The following RBKS variants were observed in gnomAD, a reference collection of about 807,000 sequenced individuals.
RBKS encodes ribokinase.
In RBKS, 33 loss-of-function variants were observed where a neutral mutation model predicts 33.9. The observed-to-expected ratio is 0.97, with a 90% CI of 0.74 to 1.30. RBKS has a LOEUF of 1.30. RBKS is among the 50% of genes most tolerant of loss of function. RBKS has a pLI of 0.00. For missense variants in RBKS, 361 were observed against 392.6 expected, an observed-to-expected ratio of 0.92 and a Z score of 0.68; for synonymous variants, 125 against 143.0, an observed-to-expected ratio of 0.87 and a Z score of 0.90.
At chr2:27,851,506 G>A (rs186864346) in intron 2 of RBKS, among the ~76,000 whole-genome samples, 1 of 151,400 alleles carries the variant, frequency 6.6e-6, no homozygotes, top group African/African-American at 2.4e-5. Context: ...GACCCATCTT[G>A]TAGTCATGTT....
At chr2:27,793,279 C>T (rs1199939593) in intron 7 of RBKS, among the ~76,000 whole-genome samples, 1 of 152,168 alleles carries the variant, frequency 6.6e-6, no homozygotes, top group Non-Finnish European at 1.5e-5. Context: ...GAGGCATTAA[C>T]ACTGCTGGGT....
intron 1 of RBKS, among the ~76,000 whole-genome samples, chr2:27,883,118 C>T (rs1384768347): frequency 2.6e-5 from 4 of 151,982 alleles, no homozygotes; most frequent in Non-Finnish European, 5.9e-5. Flanking sequence ...ATAAATCACC[C>T]AGTCTTAGGT....
chr2:27,858,366 T>G (rs1442592890), intron 2 of RBKS, 73 bp downstream of exon 2: 1 of 1,487,900 alleles, frequency 6.7e-7, no homozygotes, highest in African/African-American at 1.4e-5. Flanking sequence ...TTGAAAAAAT[T>G]AAAAACAATG....
At chr2:27,863,494 A>G (rs930500462) in intron 1 of RBKS, among the ~76,000 whole-genome samples, 4 of 152,226 alleles carry the variant, frequency 2.6e-5, no homozygotes, top group African/African-American at 7.2e-5. Flanking sequence ...ACAACTTATC[A>G]ATTGCTTTTA....
chr2:27,842,878 GTT>G (rs373375641), intron 5 of RBKS, among the ~76,000 whole-genome samples, 187 bp downstream of exon 5: 1 of 145,494 alleles, frequency 6.9e-6, no homozygotes, highest in East Asian at 2.0e-4. Flanking sequence ...TGCTACTCAT[GTT>G]TTTTTTTTTA....
intron 7 of RBKS, among the ~76,000 whole-genome samples, chr2:27,793,097 C>T (rs1677568906): frequency 6.6e-6 from 1 of 152,112 alleles, no homozygotes; most frequent in Non-Finnish European, 1.5e-5. Flanking sequence ...TGTTAACAGT[C>T]ACATTAAATG....
At chr2:27,865,854 C>A (rs1238078082) in intron 1 of RBKS, among the ~76,000 whole-genome samples, 2 of 152,136 alleles carry the variant, frequency 1.3e-5, no homozygotes, top group Non-Finnish European at 2.9e-5. Context: ...TCCATTTCCC[C>A]TTCCTAACCT....
intron 2 of RBKS, among the ~76,000 whole-genome samples, chr2:27,857,798 G>A (rs2148219015): frequency 6.6e-6 from 1 of 152,226 alleles, no homozygotes; most frequent in African/African-American, 2.4e-5. Context: ...GATTCAATGA[G>A]GTAGAAATTA....
intron 1 of RBKS, among the ~76,000 whole-genome samples, chr2:27,878,708 TTAATGATTGCCATTC>T (rs1183643616): frequency 3.3e-5 from 5 of 152,206 alleles, no homozygotes; most frequent in Non-Finnish European, 7.3e-5. Flanking sequence ...TCCTGACTTT[TTAATGATTGCCATTC>T]TAACTGGTGT....
intron 6 of RBKS, among the ~76,000 whole-genome samples, chr2:27,829,238 G>C (rs1678375353): frequency 6.6e-6 from 1 of 151,788 alleles, no homozygotes; most frequent in Admixed American, 6.6e-5. Flanking sequence ...TTCATCTGTA[G>C]GTTGTTGATT....
intron 1 of RBKS, among the ~76,000 whole-genome samples, chr2:27,882,910 A>G (rs1346896201): frequency 6.6e-6 from 1 of 152,144 alleles, no homozygotes; most frequent in Non-Finnish European, 1.5e-5. Context: ...TGAACAACAC[A>G]CACTGGGGTC....
At chr2:27,889,087 G>A (rs1395528816) in intron 1 of RBKS, among the ~76,000 whole-genome samples, 1 of 152,124 alleles carries the variant, frequency 6.6e-6, no homozygotes, top group African/African-American at 2.4e-5. Flanking sequence ...TCAAGTTTTC[G>A]TCAGTCACTA....
intron 7 of RBKS, among the ~76,000 whole-genome samples, chr2:27,799,940 C>T (rs1019809080): frequency 6.6e-6 from 1 of 151,888 alleles, no homozygotes. Context: ...GGCCTGGGAA[C>T]GTAAAAGTCA....
chr2:27,838,278 GA>G (rs1678567031), intron 5 of RBKS, among the ~76,000 whole-genome samples: 1 of 151,970 alleles, frequency 6.6e-6, no homozygotes, highest in African/African-American at 2.4e-5. Flanking sequence ...TTTAAAAGTA[GA>G]AAAAAAGACT....
intron 7 of RBKS, among the ~76,000 whole-genome samples, chr2:27,805,233 T>C (rs1323672966): frequency 2.0e-5 from 3 of 152,206 alleles, no homozygotes; most frequent in Admixed American, 6.5e-5. Flanking sequence ...TAAGAAAGTT[T>C]ACAAATTTGT....
intron 7 of RBKS, among the ~76,000 whole-genome samples, chr2:27,819,284 C>T (rs1349142673): frequency 1.3e-5 from 2 of 151,778 alleles, no homozygotes; most frequent in East Asian, 3.9e-4. Flanking sequence ...TGTGTGCACA[C>T]AGAGAGAGAG....
intron 7 of RBKS, among the ~76,000 whole-genome samples, chr2:27,825,244 A>G (rs998448869): frequency 6.6e-6 from 1 of 152,174 alleles, no homozygotes; most frequent in Non-Finnish European, 1.5e-5. Context: ...CACTCACTTT[A>G]TCCTCCCATC....
chr2:27,820,707 C>T (rs1218527613), intron 7 of RBKS, among the ~76,000 whole-genome samples: 1 of 151,928 alleles, frequency 6.6e-6, no homozygotes. Flanking sequence ...CCAGCATGAT[C>T]AGCCAAGATT....
At chr2:27,843,044 G>GAATGACA in intron 5 of RBKS, 23 bp downstream of exon 5, 1 of 1,525,350 alleles carries the variant, frequency 6.6e-7, no homozygotes, top group Non-Finnish European at 8.8e-7. Flanking sequence ...TTTATAGAAA[G>GAATGACA]AATGACAAAT....
Sources: gnomAD v4.1 joint callset for allele counts (sites outside exome capture counted in the v4.1 genomes callset) on GRCh38, gnomAD v4.1.1 for gene constraint, MANE v1.5 for transcripts, NCBI Gene and HGNC (gene_info 2026-07-23, HGNC 2026-07-21) for gene names.